IL1RAPL1: variants seen among roughly 807,000 people sequenced by gnomAD.
IL1RAPL1 encodes the protein interleukin 1 receptor accessory protein like 1, also known as interleukin-1 receptor accessory protein-like 1.
Under a neutral mutation model 48.4 loss-of-function variants are expected in IL1RAPL1, and 3 were observed. The ratio of observed to expected loss-of-function variants is 0.06; its 90% CI spans 0.03 to 0.16. The LOEUF (loss-of-function observed/expected upper bound fraction) is 0.16. IL1RAPL1 is among the 10% of genes least tolerant of loss of function. The probability of loss-of-function intolerance (pLI) is 1.00; values close to 1 mark genes in which losing one functional copy is unlikely to be tolerated. For synonymous variants in IL1RAPL1, 185 were observed against 187.7 expected (o/e 0.99, Z 0.12); for missense variants, 349 against 530.6 (o/e 0.66, Z 3.36).
At chrX:28,744,021 T>C (rs903420042) in intron 1 of IL1RAPL1, among the ~76,000 whole-genome samples, 1 of 111,153 alleles carries the variant, frequency 9.0e-6, no homozygotes, top group Admixed American at 9.7e-5. Flanking sequence ...ATCAAAAATA[T>C]TTACTAGATC....
chrX:28,735,289 C>T (rs1211498910), intron 1 of IL1RAPL1, among the ~76,000 whole-genome samples: 1 of 110,703 alleles, frequency 9.0e-6, no homozygotes, highest in African/African-American at 3.3e-5. Flanking sequence ...TACATGTTCA[C>T]ACTCCAATCT....
intron 5 of IL1RAPL1, among the ~76,000 whole-genome samples, chrX:29,399,784 A>T (rs912908213): frequency 1.2e-4 from 13 of 107,900 alleles, no homozygotes; most frequent in African/African-American, 3.4e-4. Context: ...GTGCCATTGC[A>T]CTCCAGCCTG....
chrX:29,102,036 A>T (rs1040720470), intron 2 of IL1RAPL1, among the ~76,000 whole-genome samples: 3 of 112,181 alleles, frequency 2.7e-5, no homozygotes. Flanking sequence ...TCAGTGTGGT[A>T]AATCATATCA....
intron 3 of IL1RAPL1, among the ~76,000 whole-genome samples, chrX:29,353,313 C>T (rs1036778358): frequency 2.7e-5 from 3 of 111,156 alleles, no homozygotes; most frequent in East Asian, 2.8e-4. Flanking sequence ...AAGCTGATTA[C>T]GGCAGGTAAG....
intron 6 of IL1RAPL1, among the ~76,000 whole-genome samples, chrX:29,884,548 C>G (rs932164977): frequency 1.8e-5 from 2 of 111,325 alleles, no homozygotes; most frequent in East Asian, 2.8e-4. Flanking sequence ...TGGTCATCTT[C>G]TCTACTCTCC....
At chrX:29,564,708 T>G (rs2147794832) in intron 5 of IL1RAPL1, among the ~76,000 whole-genome samples, 1 of 113,116 alleles carries the variant, frequency 8.8e-6, no homozygotes, top group East Asian at 2.8e-4. Flanking sequence ...CTGGCCTCAA[T>G]GGAAATAAAA....
chrX:28,929,258 T>C (rs191686342), intron 2 of IL1RAPL1, among the ~76,000 whole-genome samples: 1 of 112,193 alleles, frequency 8.9e-6, no homozygotes, highest in Admixed American at 9.4e-5. Flanking sequence ...TAATTGTGTA[T>C]CTAAACATTT....
intron 1 of IL1RAPL1, among the ~76,000 whole-genome samples, chrX:28,654,545 A>G (rs1934728963): frequency 8.9e-6 from 1 of 112,224 alleles, no homozygotes; most frequent in African/African-American, 3.2e-5. Flanking sequence ...TTGGGCTACA[A>G]AAGCTATTTG....
At chrX:28,619,928 G>T (rs1934265735) in intron 1 of IL1RAPL1, among the ~76,000 whole-genome samples, 1 of 111,327 alleles carries the variant, frequency 9.0e-6, no homozygotes, top group African/African-American at 3.3e-5. Context: ...AATGCATTTT[G>T]CTTGGGAGAT....
At chrX:29,514,968 G>A (rs143368598) in intron 5 of IL1RAPL1, among the ~76,000 whole-genome samples, 8 of 112,058 alleles carry the variant, frequency 7.1e-5, no homozygotes, top group African/African-American at 2.3e-4. Flanking sequence ...TTATGCAAAT[G>A]CCATGCCAGT....
intron 1 of IL1RAPL1, among the ~76,000 whole-genome samples, chrX:28,748,736 C>T (rs922280650): frequency 9.0e-6 from 1 of 111,221 alleles, no homozygotes; most frequent in African/African-American, 3.3e-5. Context: ...GTGTAATGTT[C>T]AAATCAATGT....
intron 6 of IL1RAPL1, among the ~76,000 whole-genome samples, chrX:29,885,668 A>T (rs922445912): frequency 1.8e-5 from 2 of 108,333 alleles, no homozygotes; most frequent in African/African-American, 6.6e-5. Context: ...AAAATAAAAA[A>T]ATCAGCTGAG....
intron 2 of IL1RAPL1, among the ~76,000 whole-genome samples, chrX:29,006,422 G>T (rs1378833064): frequency 9.2e-6 from 1 of 108,842 alleles, no homozygotes; most frequent in Non-Finnish European, 1.9e-5. Context: ...GCTGAGGCAG[G>T]AGAATCACCT....
intron 2 of IL1RAPL1, among the ~76,000 whole-genome samples, chrX:28,933,695 A>G (rs147156842): frequency 0.029 from 3,185 of 111,414 alleles, 91 homozygotes; most frequent in African/African-American, 0.098. Context: ...AAAGGATTGA[A>G]GAATGGCTAC....
intron 5 of IL1RAPL1, among the ~76,000 whole-genome samples, chrX:29,412,685 T>C (rs931644370): frequency 2.7e-5 from 3 of 112,161 alleles, no homozygotes; most frequent in Non-Finnish European, 5.6e-5. Context: ...AAGTGTGGTA[T>C]CAGCCTGGAG....
At chrX:29,433,649 G>T (rs1024723864) in intron 5 of IL1RAPL1, among the ~76,000 whole-genome samples, 2 of 110,852 alleles carry the variant, frequency 1.8e-5, no homozygotes, top group Non-Finnish European at 3.8e-5. Context: ...ACAACATAGG[G>T]TATTATCAAT....
At chrX:29,835,731 T>C (rs1402280065) in intron 6 of IL1RAPL1, among the ~76,000 whole-genome samples, 4 of 111,259 alleles carry the variant, frequency 3.6e-5, no homozygotes, top group East Asian at 5.6e-4. Context: ...CATAATTCAA[T>C]CTTGGTTATC....
At chrX:29,416,574 A>T (rs1318957817) in intron 5 of IL1RAPL1, among the ~76,000 whole-genome samples, 4 of 111,675 alleles carry the variant, frequency 3.6e-5, no homozygotes, top group Non-Finnish European at 7.5e-5. Flanking sequence ...GAAAACCTCA[A>T]TGATGTGCCA....
At chrX:28,609,217 A>G (rs1166652871) in intron 1 of IL1RAPL1, among the ~76,000 whole-genome samples, 1 of 112,050 alleles carries the variant, frequency 8.9e-6, no homozygotes, top group East Asian at 2.8e-4. Context: ...AGTGTCTAGC[A>G]CAAAGTAGCT....
Sources: gnomAD v4.1 joint callset for allele counts (sites outside exome capture counted in the v4.1 genomes callset) on GRCh38, gnomAD v4.1.1 for gene constraint, MANE v1.5 for transcripts, NCBI Gene and HGNC (gene_info 2026-07-23, HGNC 2026-07-21) for gene names.